ESR1: variants seen among roughly 807,000 people sequenced by gnomAD.
ESR1 encodes the protein estrogen receptor.
In ESR1, 12 loss-of-function variants were observed where a neutral mutation model predicts 52.7. The ratio of observed to expected loss-of-function variants is 0.23; its 90% confidence interval spans 0.15 to 0.37. The LOEUF is 0.37. ESR1 is among the 10% of genes least tolerant of loss of function. The pLI, the probability that ESR1 is intolerant of heterozygous loss-of-function variation, is 1.00. For synonymous variants in ESR1, 305 were observed against 316.8 expected (o/e 0.96, Z 0.39); for missense variants, 584 against 779.7 (o/e 0.75, Z 2.99).
chr6:151,745,949 T>C (rs1783447724), intron 2 of ESR1, among the ~76,000 whole-genome samples: 1 of 152,156 alleles, frequency 6.6e-6, no homozygotes. Context: ...TCTGTGAATT[T>C]TACTACTTTA....
At chr6:151,985,536 C>CAAAAAAAAAAAAA (rs2040402313) in intron 4 of ESR1, among the ~76,000 whole-genome samples, 1 of 68,024 alleles carries the variant, frequency 1.5e-5, no homozygotes, top group African/African-American at 7.3e-5. Context: ...AAAAAAAACA[C>CAAAAAAAAAAAAA]AAACAAAAAA....
At chr6:151,901,665 C>G (rs573984603) in intron 3 of ESR1, among the ~76,000 whole-genome samples, 75 of 152,316 alleles carry the variant, frequency 4.9e-4, no homozygotes, top group African/African-American at 1.6e-3. Flanking sequence ...TAAATCAGCT[C>G]CAGGTAAGTT....
intron 2 of ESR1, among the ~76,000 whole-genome samples, chr6:151,861,662 A>G (rs1322629137): frequency 6.6e-6 from 1 of 152,142 alleles, no homozygotes; most frequent in Non-Finnish European, 1.5e-5. Flanking sequence ...GCATGTTATG[A>G]CTTCCCCACA....
chr6:151,815,859 A>G lies in ESR1; in HGVS notation c.452+7495A>G, dbSNP rs186286585. 1.8e-3 allele frequency among the ~76,000 whole-genome samples: 277 copies of G among 152,334 alleles called. 1 individual carries two copies. Among genetic ancestry groups the G allele is most frequent in the African/African-American group, 4.7e-3 (196 of 41,576 alleles). ...CCTTGCAGCCCTCAGACTATAAACA[A>G]GTGTCCCTCTTGCTATCTACTTCGT... On this transcript the variant is annotated intron_variant, in intron 1 of 7. Coordinates refer to ENST00000206249, the MANE Select transcript of ESR1 (RefSeq NM_000125.4).
chr6:151,881,680 C>T (rs777558234), intron 3 of ESR1, among the ~76,000 whole-genome samples: 37 of 151,978 alleles, frequency 2.4e-4, no homozygotes, highest in African/African-American at 5.1e-4. Flanking sequence ...GTCAGGAGTT[C>T]GAGACCAGCT....
At chr6:152,096,543 T>C (rs956655737) in intron 7 of ESR1, 11 of 434,784 alleles carry the variant, frequency 2.5e-5, no homozygotes, top group Non-Finnish European at 5.2e-5. Flanking sequence ...ACTGAGTGAG[T>C]GAACAAAGAA....
At chr6:151,690,085 C>T (rs369632488), upstream of ESR1, among the ~76,000 whole-genome samples, 1 of 152,142 alleles carries the variant, frequency 6.6e-6, no homozygotes, top group African/African-American at 2.4e-5. Context: ...AAGTGCAGAG[C>T]GGGCTTTTGA....
chr6:152,060,711 A>G (rs1052655415), intron 5 of ESR1, among the ~76,000 whole-genome samples: 2 of 152,222 alleles, frequency 1.3e-5, no homozygotes, highest in Admixed American at 6.5e-5. Flanking sequence ...CCATAGGTTG[A>G]AGAACTCCAT....
chr6:151,879,800 T>C (rs1036187154), intron 2 of ESR1, among the ~76,000 whole-genome samples: 3 of 152,152 alleles, frequency 2.0e-5, no homozygotes, highest in African/African-American at 7.2e-5. Context: ...GTTCTCCAGG[T>C]AGTCAGTCAT....
At chr6:151,802,344 C>T (rs976102304), upstream of ESR1, among the ~76,000 whole-genome samples, 1 of 152,120 alleles carries the variant, frequency 6.6e-6, no homozygotes, top group African/African-American at 2.4e-5. Flanking sequence ...CCAAACAGAG[C>T]ATTTATAATC....
chr6:151,801,051 GGT>G (rs3062689), upstream of ESR1, among the ~76,000 whole-genome samples: 222 of 147,610 alleles, frequency 1.5e-3, no homozygotes, highest in Middle Eastern at 0.01. Context: ...TTGATTATGT[GGT>G]GTGTGTGTGT....
intron 3 of ESR1, among the ~76,000 whole-genome samples, chr6:151,920,778 C>CA (rs756470979): frequency 3.3e-5 from 5 of 152,158 alleles, no homozygotes; most frequent in Non-Finnish European, 7.3e-5. Flanking sequence ...ATCAAGGGTA[C>CA]ATGCCATCAA....
chr6:152,074,451 A>C (rs1366100243), intron 6 of ESR1, among the ~76,000 whole-genome samples: 2 of 151,766 alleles, frequency 1.3e-5, no homozygotes, highest in African/African-American at 4.8e-5. Flanking sequence ...GAATACTACT[A>C]CTCCATTGTC....
At chr6:152,110,524 C>CG (rs1393658057) in intron 6 of ESR1, among the ~76,000 whole-genome samples, 1 of 151,356 alleles carries the variant, frequency 6.6e-6, no homozygotes. Flanking sequence ...TGGGGCCTAT[C>CG]GGGGGGTGGA....
chr6:151,824,316 G>A (rs934456399), intron 1 of ESR1, among the ~76,000 whole-genome samples: 9 of 152,168 alleles, frequency 5.9e-5, no homozygotes, highest in Non-Finnish European at 1.2e-4. Context: ...TGTTGATGGG[G>A]TTGTTGTTTT....
chr6:151,664,534 G>A (rs190229154), intron 1 of ESR1, among the ~76,000 whole-genome samples: 196 of 152,136 alleles, frequency 1.3e-3, no homozygotes, highest in African/African-American at 4.2e-3. Flanking sequence ...CAGATATATC[G>A]ACAGAGTGAC....
At chr6:152,096,737 A>C in intron 7 of ESR1, 1 of 455,362 alleles carries the variant, frequency 2.2e-6, no homozygotes, top group Admixed American at 2.4e-5. Flanking sequence ...CAGAGTATAC[A>C]TTTCCAGTCT....
rs367919091 is a variant in ESR1, at chr6:151,810,628, T to A, written c.452+2264T>A. Among the ~76,000 whole-genome samples, 9 of 152,196 alleles carry A rather than the reference T, an allele frequency of 5.9e-5. 1 individual carries two copies. The East Asian group carries it at 9.6e-4, about 16-fold the overall frequency. ...TGACCCAGAGGGTCATGAACTCAGT[T>A]TAGTGAGTCTAGAATATTTTTTAAA... On this transcript the variant is annotated intron_variant, in intron 1 of 7. Transcript: ENST00000206249.
chr6:151,788,039 C>T (rs1285757621), intron 2 of ESR1, among the ~76,000 whole-genome samples: 2 of 152,100 alleles, frequency 1.3e-5, no homozygotes, highest in African/African-American at 4.8e-5. Context: ...CCATCTTAGA[C>T]ATAGGAATGG....
Sources: allele counts gnomAD v4.1 joint callset (sites outside exome capture counted in the v4.1 genomes callset), GRCh38; gene constraint gnomAD v4.1.1; transcripts MANE v1.5; gene names NCBI Gene and HGNC (gene_info 2026-07-23, HGNC 2026-07-21).